Variants in TRABD2B observed in about 807,000 individuals in gnomAD.
The protein encoded by TRABD2B is TraB domain containing 2B.
Under a neutral mutation model 40.1 loss-of-function variants are expected in TRABD2B, and 14 were observed. The observed-to-expected ratio is 0.35, with a 90% confidence interval of 0.23 to 0.55. The LOEUF (loss-of-function observed/expected upper bound fraction) is 0.55, where lower values mean the gene tolerates loss of function less well. TRABD2B is among the 20% of genes least tolerant of loss of function. TRABD2B has a pLI of 0.90. For missense variants in TRABD2B, 541 were observed against 648.6 expected (o/e 0.83, Z 1.80); for synonymous variants, 263 against 277.0 (o/e 0.95, Z 0.50).
intron 2 of TRABD2B, among the ~76,000 whole-genome samples, chr1:47,860,805 C>T (rs1264992241): frequency 6.6e-6 from 1 of 152,138 alleles, no homozygotes; most frequent in African/African-American, 2.4e-5. Context: ...TTCCTCCTCC[C>T]ATTTGGTTCC....
intron 4 of TRABD2B, among the ~76,000 whole-genome samples, chr1:47,793,886 C>CA (rs1248262781): frequency 6.6e-6 from 1 of 152,134 alleles, no homozygotes; most frequent in African/African-American, 2.4e-5. Flanking sequence ...CTCCCCTTTG[C>CA]ATGAGGAGGC....
chr1:47,990,814 TATATATATATATATATATATAA>T (rs1557699720), intron 2 of TRABD2B, among the ~76,000 whole-genome samples: 8 of 77,598 alleles, frequency 1.0e-4, no homozygotes, highest in Admixed American at 8.8e-4. Context: ...TATATATATA[TATATATATATATATATATATAA>T]AACGTTGGTT....
At chr1:47,926,481 G>C (rs1210309867) in intron 2 of TRABD2B, among the ~76,000 whole-genome samples, 1 of 152,178 alleles carries the variant, frequency 6.6e-6, no homozygotes, top group Non-Finnish European at 1.5e-5. Flanking sequence ...AACCCTACTT[G>C]ATCTGCCAAG....
At chr1:47,984,113 CT>C (rs1325635377) in intron 2 of TRABD2B, among the ~76,000 whole-genome samples, 5 of 152,228 alleles carry the variant, frequency 3.3e-5, no homozygotes, top group Admixed American at 3.3e-4. Flanking sequence ...GGCCAGGAAA[CT>C]TTAAATAACC....
intron 2 of TRABD2B, among the ~76,000 whole-genome samples, chr1:47,863,745 G>A (rs1401086958): frequency 6.6e-6 from 1 of 152,036 alleles, no homozygotes; most frequent in Non-Finnish European, 1.5e-5. Context: ...CATACTCCTT[G>A]GTACTTACCC....
intron 2 of TRABD2B, among the ~76,000 whole-genome samples, chr1:47,947,668 G>A (rs1464659943): frequency 6.6e-6 from 1 of 152,146 alleles, no homozygotes; most frequent in Non-Finnish European, 1.5e-5. Flanking sequence ...GGCCCATAGA[G>A]TGAATAAAAG....
At chr1:47,992,176 G>A (rs1646021906) in intron 2 of TRABD2B, among the ~76,000 whole-genome samples, 2 of 152,168 alleles carry the variant, frequency 1.3e-5, no homozygotes, top group African/African-American at 4.8e-5. Context: ...GGCCCAGGCT[G>A]GTGATGGGTT....
intron 2 of TRABD2B, among the ~76,000 whole-genome samples, chr1:47,939,894 C>G (rs1392905990): frequency 1.3e-5 from 2 of 152,198 alleles, no homozygotes; most frequent in Non-Finnish European, 2.9e-5. Context: ...CTAGCCTCTC[C>G]TTTCTAGTCC....
At chr1:47,933,322 C>T (rs1645065712) in intron 2 of TRABD2B, among the ~76,000 whole-genome samples, 1 of 151,866 alleles carries the variant, frequency 6.6e-6, no homozygotes, top group Non-Finnish European at 1.5e-5. Context: ...ACATATTAGC[C>T]AGGATGATCT....
At chr1:47,852,204 C>T (rs1645558971) in intron 2 of TRABD2B, among the ~76,000 whole-genome samples, 1 of 152,094 alleles carries the variant, frequency 6.6e-6, no homozygotes, top group African/African-American at 2.4e-5. Flanking sequence ...AGAGCTGGGC[C>T]CAGACTGCGG....
At chr1:47,769,142 C>G (rs1237192496) in intron 6 of TRABD2B, among the ~76,000 whole-genome samples, 4 of 151,924 alleles carry the variant, frequency 2.6e-5, no homozygotes, top group African/African-American at 9.7e-5. Context: ...TACCTCAGCC[C>G]CTTTCCTCCC....
intron 2 of TRABD2B, among the ~76,000 whole-genome samples, chr1:47,981,670 G>C (rs1372111216): frequency 1.3e-5 from 2 of 152,116 alleles, no homozygotes; most frequent in Non-Finnish European, 2.9e-5. Context: ...GTTCCCAGCA[G>C]TGCTTTTCAA....
chr1:47,790,884 C>A (rs542437824), intron 4 of TRABD2B, among the ~76,000 whole-genome samples: 3 of 152,296 alleles, frequency 2.0e-5, no homozygotes, highest in Admixed American at 2.0e-4. Context: ...ATGAGTGTAT[C>A]CAGAACAATC....
intron 2 of TRABD2B, among the ~76,000 whole-genome samples, chr1:47,971,514 T>A (rs1238507819): frequency 6.6e-6 from 1 of 152,018 alleles, no homozygotes; most frequent in Non-Finnish European, 1.5e-5. Context: ...CAATGAGAAT[T>A]TATCCAGGTC....
At chr1:47,868,875 A>G (rs1287054469) in intron 2 of TRABD2B, among the ~76,000 whole-genome samples, 1 of 152,172 alleles carries the variant, frequency 6.6e-6, no homozygotes, top group Non-Finnish European at 1.5e-5. Context: ...AAGTGTCCAC[A>G]GTCATTTTTG....
At chr1:47,904,987 G>T (rs1468493026) in intron 2 of TRABD2B, among the ~76,000 whole-genome samples, 1 of 152,160 alleles carries the variant, frequency 6.6e-6, no homozygotes, top group Admixed American at 6.5e-5. Flanking sequence ...CAGCTGACAT[G>T]TTGAGCCCAT....
intron 6 of TRABD2B, among the ~76,000 whole-genome samples, chr1:47,766,993 C>T (rs959528361): frequency 1.3e-5 from 2 of 152,014 alleles, no homozygotes; most frequent in African/African-American, 4.8e-5. Context: ...AAGCTGGAGG[C>T]GGGGGCAGGG....
intron 2 of TRABD2B, among the ~76,000 whole-genome samples, chr1:47,978,058 C>T (rs1272683410): frequency 6.6e-6 from 1 of 152,034 alleles, no homozygotes; most frequent in African/African-American, 2.4e-5. Context: ...CCTCCCCAAC[C>T]CCCAAATTTA....
At chr1:47,809,986 T>C (rs1644941198) in intron 2 of TRABD2B, among the ~76,000 whole-genome samples, 2 of 152,166 alleles carry the variant, frequency 1.3e-5, no homozygotes, top group South Asian at 2.1e-4. Flanking sequence ...CCTGGAGGTA[T>C]AGGAGTGAAC....
Sources: allele counts gnomAD v4.1 joint callset (sites outside exome capture counted in the v4.1 genomes callset), GRCh38; gene constraint gnomAD v4.1.1; transcripts MANE v1.5; gene names NCBI Gene and HGNC (gene_info 2026-07-23, HGNC 2026-07-21).